FSHB: variants seen among roughly 807,000 people sequenced by gnomAD.
The protein encoded by FSHB is follitropin subunit beta.
FSHB carries 8 observed loss-of-function variants against 12.1 expected under a neutral mutation model. The observed-to-expected ratio is 0.66, with a 90% CI of 0.39 to 1.19. FSHB has a LOEUF of 1.19. Ranked by LOEUF, FSHB falls within the 50% of genes most tolerant of loss-of-function variation. The probability of loss-of-function intolerance (pLI) is 0.01; values close to 1 mark genes in which losing one functional copy is unlikely to be tolerated. For missense variants in FSHB, 153 were observed against 157.2 expected, an observed-to-expected ratio of 0.97 and a Z score of 0.14; for synonymous variants, 55 against 54.6, an observed-to-expected ratio of 1.01 and a Z score of -0.04.
rs1852039339 is a variant in FSHB, at chr11:30,233,675, G to A, written c.265G>A (p.Asp89Asn). 1 of 1,613,934 alleles carries A rather than the reference G, an allele frequency of 6.2e-7. No individual in the cohort carries two copies. The highest frequency in any genetic ancestry group is 8.5e-7 in the Non-Finnish European group (1 of 1,179,964). The change falls in exon 3 of 3, where the codon GAT becomes AAT. Residue 89 changes from aspartate (D) to asparagine (N), a missense_variant. By Grantham distance (23) the Asp-to-Asn change is conservative (BLOSUM62 1). Transcript: ENST00000533718. Reference sequence around the variant, plus strand: ...AGTGCCCGGCTGTGCTCACCATGCAGATTCCTTGTATACATACCCAGTGGC... The same window carrying A: ...AGTGCCCGGCTGTGCTCACCATGCAAATTCCTTGTATACATACCCAGTGGC... ...VRVPGCAHHA[D>N]SLYTYPVATQ...
In FSHB at chr11:30,233,601, A is replaced by G; in HGVS notation, c.191A>G (p.Lys64Arg). Residue 64 changes from lysine (K) to arginine (R), a missense_variant, in exon 3 of 3, where the codon AAA (lysine) becomes AGA (arginine). Coordinates refer to ENST00000533718, the MANE Select transcript of FSHB (RefSeq NM_001382289.1). ...GTGTATAAGGACCCAGCCAGGCCCA[A>G]AATCCAGAAAACATGTACCTTCAAG... ...DLVYKDPARPKIQKTCTFKEL... is the reference protein window; with the variant it reads ...DLVYKDPARPRIQKTCTFKEL... 6.2e-7 allele frequency: 1 copy of G among 1,613,986 alleles called. No homozygotes were observed. Among genetic ancestry groups the G allele is most frequent in the Non-Finnish European group, 8.5e-7 (1 of 1,179,910 alleles).
intron 2 of FSHB, among the ~76,000 whole-genome samples, chr11:30,232,553 C>A (rs910305715): frequency 6.6e-6 from 1 of 152,098 alleles, no homozygotes; most frequent in Non-Finnish European, 1.5e-5. Context: ...CAAAAAACAG[C>A]CTGAGAACAC....
Position 30,235,048 on chromosome 11 carries a change from C to T in FSHB, c.*1248C>T, listed in dbSNP as rs1852063845. On this transcript the variant is annotated 3_prime_UTR_variant, in exon 3 of 3. Coordinates refer to ENST00000533718, the MANE Select transcript of FSHB (RefSeq NM_001382289.1). ...AGATGCTAGCCACCAGAGTCACAGG[C>T]TTGGATTGTTTTATGTACAAACAGA... The T allele has an allele frequency of 6.6e-6, 1 of 151,994 alleles. No homozygotes were observed. The highest frequency in any genetic ancestry group is 2.1e-4 in the South Asian group (1 of 4,822). 9.4% of individuals were successfully genotyped at this position (151,994 alleles called of 1,614,324 possible). A position where few individuals can be genotyped will look rare whatever the true frequency, so the allele number is the denominator to read the frequency against.
chr11:30,233,944 G>A lies in FSHB; in HGVS notation c.*144G>A, dbSNP rs1852046292. Reference sequence around the variant, plus strand: ...ACTGATCCCTGGTCTACTGGCAGAGGGAACTCTGGGAATTGAGAGTGCTGG... The same window carrying A: ...ACTGATCCCTGGTCTACTGGCAGAGAGAACTCTGGGAATTGAGAGTGCTGG... On this transcript the variant is annotated 3_prime_UTR_variant, in exon 3 of 3. Transcript: ENST00000533718. The A allele has an allele frequency of 5.6e-6, 4 of 711,484 alleles. No individual in the cohort carries two copies. Among genetic ancestry groups the A allele is most frequent in the East Asian group, 2.7e-5 (1 of 36,826 alleles). The allele number at this position is 711,484 out of a possible 1,614,324, so 44.1% of individuals were successfully genotyped here. A position where few individuals can be genotyped will look rare whatever the true frequency, so the allele number is the denominator to read the frequency against.
chr11:30,231,805 C>A, intron 1 of FSHB, 61 bp from the exon 2 acceptor site: 1 of 1,332,520 alleles, frequency 7.5e-7, no homozygotes, highest in Non-Finnish European at 1.1e-6. Flanking sequence ...GGAGGATGAG[C>A]AGACCAATTA....
chr11:30,232,226 T>C (rs1448725489), intron 2 of FSHB, among the ~76,000 whole-genome samples, 165 bp downstream of exon 2: 1 of 152,212 alleles, frequency 6.6e-6, no homozygotes, highest in Non-Finnish European at 1.5e-5. Flanking sequence ...CGATATCACT[T>C]AGATGTTTGG....
At chr11:30,232,977 T>A (rs1233185046) in intron 2 of FSHB, among the ~76,000 whole-genome samples, 1 of 152,126 alleles carries the variant, frequency 6.6e-6, no homozygotes, top group Non-Finnish European at 1.5e-5. Context: ...TACAAATAAT[T>A]TCTACCTGGA....
rs1852051402 is a variant in FSHB at position 30,234,265 on chromosome 11, A to G, written c.*465A>G. The G allele has an allele frequency of 5.5e-6, 1 of 181,882 alleles. No individual in the cohort carries two copies. The highest frequency in any genetic ancestry group is 5.4e-5 in the Admixed American group (1 of 18,462). 11.3% of individuals were successfully genotyped at this position (181,882 alleles called of 1,614,324 possible). Reference sequence around the variant, plus strand: ...CTAGCACTCTGCCTGGAACTTAGAAACACAACAATGACTTCTTTAGATCAG... The same window carrying G: ...CTAGCACTCTGCCTGGAACTTAGAAGCACAACAATGACTTCTTTAGATCAG... On this transcript the variant is annotated 3_prime_UTR_variant, in exon 3 of 3. Transcript: ENST00000533718.
chr11:30,231,961 G>A lies in FSHB; in HGVS notation c.59G>A (p.Ser20Asn). Reference sequence around the variant, plus strand: ...TGCTGGAAAGCAATCTGCTGCAATAGCTGTGAGCTGACCAACATCACCATT... The same window carrying A: ...TGCTGGAAAGCAATCTGCTGCAATAACTGTGAGCTGACCAACATCACCATT... The part of the protein sequence containing the change: ...FCCWKAICCN[S>N]CELTNITIAI... Residue 20 changes from serine (S) to asparagine (N), a missense_variant, in exon 2 of 3, where the codon AGC (serine) becomes AAC (asparagine). Ser to Asn is a conservative substitution (Grantham distance 46). Transcript: ENST00000533718. 1 of 1,613,926 alleles carries A rather than the reference G, an allele frequency of 6.2e-7. No individual in the cohort carries two copies. The highest frequency in any genetic ancestry group is 8.5e-7 in the Non-Finnish European group (1 of 1,179,884).
Position 30,233,640 on chromosome 11 carries a change from A to C in FSHB, c.230A>C (p.Glu77Ala). 6.2e-7 allele frequency: 1 copy of C among 1,614,030 alleles called. No individual in the cohort carries two copies. Among genetic ancestry groups the C allele is most frequent in the Non-Finnish European group, 8.5e-7 (1 of 1,179,956 alleles). Residue 77 changes from glutamate (E) to alanine (A), a missense_variant, in exon 3 of 3, where the codon GAA (glutamate) becomes GCA (alanine). Transcript: ENST00000533718. ...KTCTFKELVYETVRVPGCAHH... is the reference protein window; with the variant it reads ...KTCTFKELVYATVRVPGCAHH... ...TGTACCTTCAAGGAACTGGTATACG[A>C]AACAGTGAGAGTGCCCGGCTGTGCT...
intron 1 of FSHB, 113 bp from the exon 2 acceptor site, chr11:30,231,753 C>T: frequency 2.6e-6 from 2 of 759,208 alleles, no homozygotes; most frequent in South Asian, 3.1e-5. Flanking sequence ...AGTAAAAAGG[C>T]ATAAGGAAGG....
At position 30,234,982 on chromosome 11, in the gene FSHB, T is replaced by C. The variant is rs1325278785; in HGVS notation, c.*1182T>C. On this transcript the variant is annotated 3_prime_UTR_variant, in exon 3 of 3. Coordinates refer to ENST00000533718, the MANE Select transcript of FSHB (RefSeq NM_001382289.1). ...AGTTATGCACTCAGTTTCACACTCA[T>C]ATTGTTTAACTAATTTATTTAAATC... 6.6e-6 allele frequency: 1 copy of C among 152,198 alleles called. No individual in the cohort carries two copies. The highest frequency in any genetic ancestry group is 2.4e-5 in the African/African-American group (1 of 41,464). The allele number at this position is 152,198 out of a possible 1,614,324, so 9.4% of individuals were successfully genotyped here.
chr11:30,234,223 C>T lies in FSHB; in HGVS notation c.*423C>T. On this transcript the variant is annotated 3_prime_UTR_variant, in exon 3 of 3. Transcript: ENST00000533718. ...TCTAGAGCAAGGTCAGCATCTTCAG[C>T]ATTGTAGCGTCAATGCCTAGCACTC... The T allele has an allele frequency of 4.0e-6, 1 of 247,732 alleles. No homozygotes were observed. Among genetic ancestry groups the T allele is most frequent in the Non-Finnish European group, 8.1e-6 (1 of 124,132 alleles). The allele number at this position is 247,732 out of a possible 1,614,324, so 15.3% of individuals were successfully genotyped here.
intron 1 of FSHB, 101 bp from the exon 2 acceptor site, chr11:30,231,765 A>T (rs868830059): frequency 5.5e-6 from 5 of 912,520 alleles, no homozygotes; most frequent in Middle Eastern, 4.3e-4. Flanking sequence ...TAAGGAAGGA[A>T]AAAAAACTTT....
Position 30,234,167 on chromosome 11 carries a change from T to G in FSHB, c.*367T>G. The G allele has an allele frequency of 3.2e-6, 1 of 313,996 alleles. No individual in the cohort carries two copies. Among genetic ancestry groups the G allele is most frequent in the East Asian group, 8.0e-5 (1 of 12,558 alleles). The allele number at this position is 313,996 out of a possible 1,614,324, so 19.5% of individuals were successfully genotyped here. On this transcript the variant is annotated 3_prime_UTR_variant, in exon 3 of 3. Coordinates refer to ENST00000533718, the MANE Select transcript of FSHB (RefSeq NM_001382289.1). ...AATGGGAGTGAGTGAAAGAACTAACTGCAGCAGTCTTCTGGTAGACTCTTG... is the reference window on the plus strand; with the variant it reads ...AATGGGAGTGAGTGAAAGAACTAACGGCAGCAGTCTTCTGGTAGACTCTTG...
chr11:30,233,152 T>C (rs1160722301), intron 2 of FSHB, among the ~76,000 whole-genome samples: 3 of 152,140 alleles, frequency 2.0e-5, no homozygotes, highest in Non-Finnish European at 4.4e-5. Flanking sequence ...AAATTATATA[T>C]TTTTGACCTT....
chr11:30,232,492 T>C (rs1852022135), intron 2 of FSHB, among the ~76,000 whole-genome samples: 1 of 152,160 alleles, frequency 6.6e-6, no homozygotes, highest in African/African-American at 2.4e-5. Context: ...CATAAAAACA[T>C]AGACAGCCAC....
chr11:30,235,104 AG>A lies in FSHB; in HGVS notation c.*1305del, dbSNP rs1852064880. On this transcript the variant is annotated 3_prime_UTR_variant, in exon 3 of 3. Transcript: ENST00000533718. ...TAGATATTCTGTATTTTATAATATT[AG>A]TGGAATGAAATCTTAAAATATAATT... 6.6e-6 allele frequency: 1 copy of A among 152,224 alleles called. No homozygotes were observed. The highest frequency in any genetic ancestry group is 1.5e-5 in the Non-Finnish European group (1 of 68,040). The allele number at this position is 152,224 out of a possible 1,614,324, so 9.4% of individuals were successfully genotyped here.
chr11:30,232,860 T>G lies in FSHB; in HGVS notation c.160-710T>G, dbSNP rs1017268504. On this transcript the variant is annotated intron_variant, in intron 2 of 2. Coordinates refer to ENST00000533718, the MANE Select transcript of FSHB (RefSeq NM_001382289.1). ...TGATCAAACTCCATTTATTACACAA[T>G]TTATTGCACCTTCTTGGGATATACA... Among the ~76,000 whole-genome samples, 3 of 152,216 alleles carry G rather than the reference T, an allele frequency of 2.0e-5. No individual in the cohort carries two copies. In the East Asian group the frequency reaches 5.8e-4, roughly 29 times the overall value.
Sources: gnomAD v4.1 joint callset for allele counts (sites outside exome capture counted in the v4.1 genomes callset) on GRCh38, gnomAD v4.1.1 for gene constraint, MANE v1.5 for transcripts, NCBI Gene and HGNC (gene_info 2026-07-23, HGNC 2026-07-21) for gene names.